CACNA1C: variants seen among roughly 807,000 people sequenced by gnomAD.
CACNA1C encodes calcium voltage-gated channel subunit alpha1 C.
A neutral mutation model predicts 229.0 loss-of-function variants in CACNA1C; 30 were observed. That is an observed-to-expected ratio of 0.13 (90% CI 0.10 to 0.18). CACNA1C has a LOEUF of 0.18. Ranked by LOEUF, CACNA1C falls within the 10% of genes least tolerant of loss-of-function variation. CACNA1C has a pLI of 1.00. For synonymous variants in CACNA1C, 1,114 were observed against 1,132.5 expected (o/e 0.98, Z 0.33); for missense variants, 1,658 against 2,845.0 (o/e 0.58, Z 9.49).
At chr12:2,518,330 C>T (rs1450812489) in intron 9 of CACNA1C, among the ~76,000 whole-genome samples, 3 of 152,276 alleles carry the variant, frequency 2.0e-5, no homozygotes, top group East Asian at 1.9e-4. Context: ...AAATCAGGGC[C>T]GGGCGTGGTG....
At chr12:2,498,934 A>G (rs1199033862) in intron 7 of CACNA1C, among the ~76,000 whole-genome samples, 12 of 152,228 alleles carry the variant, frequency 7.9e-5, no homozygotes, top group Non-Finnish European at 1.8e-4. Context: ...ACATGAGTCC[A>G]TCTGATTCCA....
At chr12:2,415,783 C>T (rs2098883802) in intron 3 of CACNA1C, among the ~76,000 whole-genome samples, 1 of 152,154 alleles carries the variant, frequency 6.6e-6, no homozygotes, top group Admixed American at 6.5e-5. Context: ...GTGGCCTCGT[C>T]CCCCAGCCCC....
In CACNA1C at chr12:2,287,257, G is replaced by C. The variant is rs186856080; in HGVS notation, c.478-161719G>C. ...TTTCTGGGAATGACCTTCCCAAGGG[G>C]AGGGATCGGGCAAGTATTGAGTCAT... On this transcript the variant is annotated intron_variant, in intron 3 of 46. Transcript: ENST00000399655. The surrounding 1 kb of genome is among the most constrained non-coding windows in gnomAD (Gnocchi z 4.6). Among the ~76,000 whole-genome samples, 221 of 152,344 alleles carry C rather than the reference G, an allele frequency of 1.5e-3. 1 individual carries two copies. Among genetic ancestry groups the C allele is most frequent in the African/African-American group, 4.9e-3 (205 of 41,586 alleles).
intron 1 of CACNA1C, among the ~76,000 whole-genome samples, chr12:2,059,063 C>T (rs1056757452): frequency 1.3e-5 from 2 of 152,168 alleles, no homozygotes; most frequent in African/African-American, 2.4e-5. Flanking sequence ...CCCCCTTTCC[C>T]CTGCCGAATT....
At position 2,654,528 on chromosome 12, in the gene CACNA1C, C is replaced by T. The variant is rs1392317777; in HGVS notation, c.4141-619C>T. 6.6e-6 allele frequency among the ~76,000 whole-genome samples: 1 copy of T among 152,240 alleles called. No homozygotes were observed. Among genetic ancestry groups the T allele is most frequent in the Non-Finnish European group, 1.5e-5 (1 of 68,038 alleles). On this transcript the variant is annotated intron_variant, in intron 33 of 46. Transcript: ENST00000399655. The surrounding 1 kb of genome is among the most constrained non-coding windows in gnomAD (Gnocchi z 4.4). Reference sequence around the variant, plus strand: ...AAGGCCAAACTTGGCAGGGCGCCCACACTAGCCCAAAGCGCTTCCTCGGCC... The same window carrying T: ...AAGGCCAAACTTGGCAGGGCGCCCATACTAGCCCAAAGCGCTTCCTCGGCC...
intron 13 of CACNA1C, among the ~76,000 whole-genome samples, chr12:2,572,547 CCCTCCTCCTTCTCCTCT>C (rs764354636): frequency 0.029 from 517 of 18,020 alleles, 13 homozygotes; most frequent in Non-Finnish European, 0.039. Context: ...CCTCCTTCTC[CCCTCCTCCTTCTCCTCT>C]CCTCCTCCTT....
At chr12:2,557,787 A>T (rs967238300) in intron 11 of CACNA1C, among the ~76,000 whole-genome samples, 2 of 152,080 alleles carry the variant, frequency 1.3e-5, no homozygotes, top group African/African-American at 2.4e-5. Context: ...AGCACATGAC[A>T]CTCGGATTAC....
intron 1 of CACNA1C, among the ~76,000 whole-genome samples, chr12:2,047,478 C>T (rs2051278841): frequency 6.6e-6 from 1 of 152,186 alleles, no homozygotes; most frequent in Non-Finnish European, 1.5e-5. Context: ...GCAGGCAGAA[C>T]CTGGCTCTGT....
intron 3 of CACNA1C, among the ~76,000 whole-genome samples, chr12:2,399,663 A>G (rs2098648728): frequency 6.6e-6 from 1 of 152,148 alleles, no homozygotes; most frequent in Non-Finnish European, 1.5e-5. Flanking sequence ...TGGGGTTTTC[A>G]TGGGAGCATG....
At chr12:2,425,750 T>C (rs2099025502) in intron 3 of CACNA1C, among the ~76,000 whole-genome samples, 1 of 152,184 alleles carries the variant, frequency 6.6e-6, no homozygotes, top group South Asian at 2.1e-4. Context: ...CAAAGCTTTG[T>C]AGTTCACTTT....
At chr12:2,373,027 G>C (rs2097913144) in intron 3 of CACNA1C, among the ~76,000 whole-genome samples, 1 of 152,222 alleles carries the variant, frequency 6.6e-6, no homozygotes, top group African/African-American at 2.4e-5. Flanking sequence ...AGCCAGCCTG[G>C]GGCACTCGGC....
chr12:2,075,363 T>G (rs1445105311), intron 1 of CACNA1C, among the ~76,000 whole-genome samples: 2 of 152,174 alleles, frequency 1.3e-5, no homozygotes, highest in African/African-American at 4.8e-5. Flanking sequence ...TCCCCTCCCA[T>G]TGATGAAGTG....
In CACNA1C at chr12:2,388,205, A is replaced by G. The variant is rs373708117; in HGVS notation, c.478-60771A>G. Among the ~76,000 whole-genome samples the G allele has an allele frequency of 7.3e-4, 111 of 152,324 alleles. 6 individuals carry two copies. In the South Asian group the frequency reaches 0.023, roughly 31 times the overall value. On this transcript the variant is annotated intron_variant, in intron 3 of 46. Coordinates refer to ENST00000399655, the MANE Select transcript of CACNA1C (RefSeq NM_000719.7). ...TTGTAAAATGAGTAAGTTCTAGAAAACAAATGTGCAGCATGGTAACTATAA... is the reference window on the plus strand; with the variant it reads ...TTGTAAAATGAGTAAGTTCTAGAAAGCAAATGTGCAGCATGGTAACTATAA...
In CACNA1C at chr12:2,353,863, G is replaced by A. The variant is rs1167998535; in HGVS notation, c.478-95113G>A. The stretch of plus-strand genomic sequence containing the variant: ...AGAGGCAGGGGAAGGAGATCAGGGC[G>A]GCTGGGAGCACACCTTCTGGTCCCG... On this transcript the variant is annotated intron_variant, in intron 3 of 46. Coordinates refer to ENST00000399655, the MANE Select transcript of CACNA1C (RefSeq NM_000719.7). 5.3e-5 allele frequency among the ~76,000 whole-genome samples: 8 copies of A among 152,306 alleles called. No homozygotes were observed. In the East Asian group the frequency reaches 7.7e-4, roughly 15 times the overall value.
intron 1 of CACNA1C, among the ~76,000 whole-genome samples, chr12:2,107,878 A>G (rs1321331004): frequency 6.6e-6 from 1 of 152,166 alleles, no homozygotes; most frequent in Non-Finnish European, 1.5e-5. Context: ...CTTTGTCACC[A>G]TGCTCTTCCC....
intron 6 of CACNA1C, among the ~76,000 whole-genome samples, chr12:2,492,411 G>C (rs1325702335): frequency 6.6e-6 from 1 of 152,198 alleles, no homozygotes; most frequent in East Asian, 1.9e-4. Flanking sequence ...TATCTTGATA[G>C]AGGTCAGAAA....
chr12:2,669,926 T>G (rs2096464916), intron 38 of CACNA1C, among the ~76,000 whole-genome samples: 1 of 152,194 alleles, frequency 6.6e-6, no homozygotes, highest in South Asian at 2.1e-4. Context: ...GATAAGAGTT[T>G]GCGAACCACT....
intron 3 of CACNA1C, among the ~76,000 whole-genome samples, chr12:2,183,431 C>A (rs1396760343): frequency 1.3e-5 from 2 of 152,220 alleles, no homozygotes; most frequent in Non-Finnish European, 2.9e-5. Flanking sequence ...GCTGCCTTCT[C>A]TAGAGATTCT....
At chr12:2,667,310 C>CAT (rs2096242664) in intron 37 of CACNA1C, among the ~76,000 whole-genome samples, 51 of 152,026 alleles carry the variant, frequency 3.4e-4, no homozygotes, top group African/African-American at 1.1e-3. Context: ...TCCTCTCCAC[C>CAT]GTGGCCATTC....
Sources: allele counts gnomAD v4.1 joint callset (sites outside exome capture counted in the v4.1 genomes callset), GRCh38; gene constraint gnomAD v4.1.1; non-coding constraint Gnocchi (gnomAD v3.1); transcripts MANE v1.5; gene names NCBI Gene and HGNC (gene_info 2026-07-23, HGNC 2026-07-21).